Variants in ACTN1 observed in about 807,000 individuals in gnomAD.
ACTN1 encodes the protein alpha-actinin-1.
In ACTN1, 30 loss-of-function variants were observed where a neutral mutation model predicts 119.6. That is an observed-to-expected ratio of 0.25 (90% CI 0.19 to 0.34). The LOEUF is 0.34. Ranked by LOEUF, ACTN1 falls within the 10% of genes least tolerant of loss-of-function variation. ACTN1 has a pLI of 1.00. For synonymous variants in ACTN1, 429 were observed against 472.6 expected (o/e 0.91, Z 1.20); for missense variants, 764 against 1,223.4 (o/e 0.62, Z 5.60).
intron 8 of ACTN1, among the ~76,000 whole-genome samples, chr14:68,896,387 A>C (rs987966843): frequency 1.3e-5 from 2 of 152,052 alleles, no homozygotes; most frequent in Non-Finnish European, 2.9e-5. Flanking sequence ...GAGAAGTAAG[A>C]TGAGGTCAGC....
At chr14:68,951,324 A>T (rs545364715) in intron 1 of ACTN1, among the ~76,000 whole-genome samples, 6 of 152,256 alleles carry the variant, frequency 3.9e-5, no homozygotes, top group African/African-American at 9.6e-5. Flanking sequence ...TCAGACTGTT[A>T]TGGAGAAACC....
intron 8 of ACTN1, among the ~76,000 whole-genome samples, chr14:68,899,304 A>G (rs1381768904): frequency 7.2e-6 from 1 of 138,920 alleles, no homozygotes; most frequent in Non-Finnish European, 1.6e-5. Flanking sequence ...TCACACCCAC[A>G]GCACACCACA....
At chr14:68,928,590 CTT>C (rs1478353500) in intron 1 of ACTN1, among the ~76,000 whole-genome samples, 2 of 152,324 alleles carry the variant, frequency 1.3e-5, no homozygotes, top group East Asian at 3.9e-4. Context: ...CCTTCCTAAA[CTT>C]CAGTTCCCTT....
intron 1 of ACTN1, among the ~76,000 whole-genome samples, chr14:68,938,311 C>T (rs1389055781): frequency 6.6e-6 from 1 of 152,166 alleles, no homozygotes; most frequent in Non-Finnish European, 1.5e-5. Context: ...GTCCCCAGGA[C>T]ATGTGAGTGC....
chr14:68,974,832 T>C (rs2037007675), intron 1 of ACTN1, among the ~76,000 whole-genome samples: 1 of 152,214 alleles, frequency 6.6e-6, no homozygotes, highest in Non-Finnish European at 1.5e-5. Flanking sequence ...ATTCTCACCC[T>C]GTTAAGGGCT....
chr14:68,891,971 A>G, intron 10 of ACTN1, 82 bp downstream of exon 10: 1 of 1,534,776 alleles, frequency 6.5e-7, no homozygotes, highest in Non-Finnish European at 8.8e-7. Context: ...ACCCCCATAA[A>G]GCTGAATTTG....
At chr14:68,961,302 T>A (rs561934335) in intron 1 of ACTN1, among the ~76,000 whole-genome samples, 4 of 152,356 alleles carry the variant, frequency 2.6e-5, no homozygotes, top group Non-Finnish European at 5.9e-5. Flanking sequence ...CTAATTTTTA[T>A]GTACACTATG....
rs1165870754 is a variant in ACTN1 at position 68,903,484 on chromosome 14, C to T, written c.677-922G>A. Among the ~76,000 whole-genome samples the T allele has an allele frequency of 2.7e-5, 4 of 147,518 alleles. No homozygotes were observed. The South Asian group carries it at 7.2e-4, about 26-fold the overall frequency. On this transcript the variant is annotated intron_variant, in intron 7 of 21. Coordinates refer to ENST00000394419, the MANE Select transcript of ACTN1 (RefSeq NM_001130004.2). ...CCCAGGAGGCGGAGGTTGCAGTGAG[C>T]GGAGATCGCACCACAGCACTCCAGC... is the stretch of plus-strand genomic sequence containing the variant.
chr14:68,912,032 A>G (rs974094950), intron 4 of ACTN1, 124 bp downstream of exon 4: 11 of 776,970 alleles, frequency 1.4e-5, no homozygotes, highest in Admixed American at 1.2e-4. Context: ...CCAATAAATG[A>G]GCAAGAAGCC....
intron 8 of ACTN1, among the ~76,000 whole-genome samples, chr14:68,900,177 G>C (rs79594842): frequency 0.025 from 3,747 of 152,202 alleles, 54 homozygotes; most frequent in Middle Eastern, 0.085. Flanking sequence ...CAGCCCATAT[G>C]GTGTCTCTGG....
intron 1 of ACTN1, among the ~76,000 whole-genome samples, chr14:68,927,739 C>T (rs2035006028): frequency 6.6e-6 from 1 of 152,124 alleles, no homozygotes; most frequent in African/African-American, 2.4e-5. Context: ...GATGAGAGGG[C>T]CTTTAGCCTT....
chr14:68,952,006 T>C (rs911757128), intron 1 of ACTN1, among the ~76,000 whole-genome samples: 1 of 151,892 alleles, frequency 6.6e-6, no homozygotes, highest in South Asian at 2.1e-4. Flanking sequence ...TTTAAGGGAG[T>C]AGAGCATGGA....
intron 2 of ACTN1, among the ~76,000 whole-genome samples, chr14:68,923,343 A>AG (rs1566641507): frequency 6.6e-6 from 1 of 152,044 alleles, no homozygotes; most frequent in African/African-American, 2.4e-5. Flanking sequence ...CTGGGCAGGT[A>AG]GGGGGGTGGT....
chr14:68,889,115 C>T (rs377677783), intron 11 of ACTN1, among the ~76,000 whole-genome samples: 1 of 152,326 alleles, frequency 6.6e-6, no homozygotes, highest in African/African-American at 2.4e-5. Context: ...AGCAGATAGG[C>T]AGCCTGTTCC....
At chr14:68,937,463 G>C (rs1284709968) in intron 1 of ACTN1, among the ~76,000 whole-genome samples, 1 of 152,042 alleles carries the variant, frequency 6.6e-6, no homozygotes, top group African/African-American at 2.4e-5. Flanking sequence ...AATAAAATAA[G>C]ATATAATATA....
intron 13 of ACTN1, 141 bp downstream of exon 13, chr14:68,884,634 C>G (rs1218422642): frequency 1.3e-6 from 1 of 755,420 alleles, no homozygotes; most frequent in Non-Finnish European, 2.2e-6. Flanking sequence ...CAAAGTGAAT[C>G]TTCCACATTT....
rs918323570 is a variant in ACTN1, at chr14:68,932,258, A to T, written c.106-6586T>A. On this transcript the variant is annotated intron_variant, in intron 1 of 21. Coordinates refer to ENST00000394419, the MANE Select transcript of ACTN1 (RefSeq NM_001130004.2). ...AATAAAAGCAAGCAGAAGAACGTGA[A>T]AAGACTAGACTGGCTGAGTCTCCCA... 2.2e-4 allele frequency among the ~76,000 whole-genome samples: 33 copies of T among 151,582 alleles called. No homozygotes were observed. The Middle Eastern group carries it at 0.017, about 78-fold the overall frequency.
intron 1 of ACTN1, among the ~76,000 whole-genome samples, chr14:68,973,321 G>A (rs2036955877): frequency 6.6e-6 from 1 of 152,162 alleles, no homozygotes; most frequent in African/African-American, 2.4e-5. Flanking sequence ...TCGTGGGAGG[G>A]ACCCGGTGGG....
At position 68,881,173 on chromosome 14, in the gene ACTN1, A is replaced by T. The variant is rs529308714; in HGVS notation, c.1954-184T>A. The T allele has an allele frequency of 5.3e-5, 31 of 585,422 alleles. 1 individual carries two copies. In the South Asian group the frequency reaches 6.4e-4, roughly 12 times the overall value. The allele number at this position is 585,422 out of a possible 1,614,324, so 36.3% of individuals were successfully genotyped here. A position where few individuals can be genotyped will look rare whatever the true frequency, so the allele number is the denominator to read the frequency against. ...AGCATGGGTGCTCTTAGGTATGGAAACAGCACCACAGAGGTATATAACAAG... is the reference window on the plus strand; with the variant it reads ...AGCATGGGTGCTCTTAGGTATGGAATCAGCACCACAGAGGTATATAACAAG... On this transcript the variant is annotated intron_variant, in intron 16 of 21. Transcript: ENST00000394419.
Sources: allele counts gnomAD v4.1 joint callset (sites outside exome capture counted in the v4.1 genomes callset), GRCh38; gene constraint gnomAD v4.1.1; transcripts MANE v1.5; gene names NCBI Gene and HGNC (gene_info 2026-07-23, HGNC 2026-07-21).